The following RFX3 variants were observed in gnomAD, a reference collection of about 807,000 sequenced individuals.
RFX3 encodes transcription factor RFX3.
RFX3 carries 14 observed loss-of-function variants against 98.6 expected under a neutral mutation model. The observed-to-expected ratio is 0.14, with a 90% CI of 0.09 to 0.22. The LOEUF (loss-of-function observed/expected upper bound fraction) is 0.22. Among genes scored for constraint, RFX3 ranks in the 10% least tolerant of loss-of-function variants. The pLI is 1.00. For synonymous variants in RFX3, 383 were observed against 328.4 expected, an observed-to-expected ratio of 1.17 and a Z score of -1.80; for missense variants, 639 against 926.9, an observed-to-expected ratio of 0.69 and a Z score of 4.03.
At chr9:3,473,751 G>T (rs138336401) in intron 1 of RFX3, among the ~76,000 whole-genome samples, 1 of 152,116 alleles carries the variant, frequency 6.6e-6, no homozygotes, top group Non-Finnish European at 1.5e-5. Flanking sequence ...TATTGTTATT[G>T]TAATTAGCTA....
At chr9:3,277,805 T>C (rs1825432966) in intron 7 of RFX3, among the ~76,000 whole-genome samples, 1 of 151,994 alleles carries the variant, frequency 6.6e-6, no homozygotes. Context: ...TAATGGTCAA[T>C]GGATATATTG....
chr9:3,514,681 T>A (rs540944456), intron 1 of RFX3, among the ~76,000 whole-genome samples: 112 of 152,312 alleles, frequency 7.4e-4, no homozygotes, highest in South Asian at 1.7e-3. Flanking sequence ...ACTCCTGGGC[T>A]CAAGGGATTC....
At chr9:3,510,654 G>A (rs1249566231) in intron 1 of RFX3, among the ~76,000 whole-genome samples, 2 of 151,954 alleles carry the variant, frequency 1.3e-5, no homozygotes, top group African/African-American at 4.8e-5. Flanking sequence ...TAAAAGCACA[G>A]AAAAAGTTAC....
rs1294019252 is a variant in RFX3, at chr9:3,291,378, CAAAACA to C, written c.731+1693_731+1698del. 7.4e-3 allele frequency among the ~76,000 whole-genome samples: 1,057 copies of C among 142,464 alleles called. 13 individuals carry two copies. The highest frequency in any genetic ancestry group is 0.027 in the African/African-American group (1,019 of 38,438). The allele number at this position is 142,464 out of a possible 152,430, so 93.5% of individuals were successfully genotyped here. A position where few individuals can be genotyped will look rare whatever the true frequency, so the allele number is the denominator to read the frequency against. On this transcript the variant is annotated intron_variant, in intron 6 of 16. Transcript: ENST00000617270. ...CAGAGCGAGAATCCTTCTCAAAAAA[CAAAACA>C]AAAACAAAAACAAAACAAAACAAAA...
intron 1 of RFX3, among the ~76,000 whole-genome samples, chr9:3,425,188 GATC>G (rs1393760186): frequency 6.6e-6 from 1 of 152,200 alleles, no homozygotes; most frequent in Admixed American, 6.5e-5. Flanking sequence ...AGTGAGCCAT[GATC>G]ACACACCACT....
At chr9:3,468,588 T>G (rs1290486691) in intron 1 of RFX3, among the ~76,000 whole-genome samples, 1 of 152,148 alleles carries the variant, frequency 6.6e-6, no homozygotes, top group Non-Finnish European at 1.5e-5. Context: ...GTAGGCAGCT[T>G]AGCACTAAAT....
intron 4 of RFX3, among the ~76,000 whole-genome samples, chr9:3,317,845 T>C (rs1333875600): frequency 1.3e-5 from 2 of 152,214 alleles, no homozygotes; most frequent in Non-Finnish European, 2.9e-5. Context: ...CCAGTTAGAA[T>C]GGCGATCATT....
intron 16 of RFX3, among the ~76,000 whole-genome samples, chr9:3,227,080 C>T (rs1190046005): frequency 6.6e-6 from 1 of 152,108 alleles, no homozygotes; most frequent in African/African-American, 2.4e-5. Context: ...ATGGGACCAG[C>T]GTGGCCACAT....
At chr9:3,507,372 C>T (rs181059352) in intron 1 of RFX3, among the ~76,000 whole-genome samples, 2 of 151,916 alleles carry the variant, frequency 1.3e-5, no homozygotes, top group African/African-American at 4.8e-5. Context: ...TAGCAATTGC[C>T]ATTTATTAAA....
intron 6 of RFX3, among the ~76,000 whole-genome samples, chr9:3,288,841 T>C (rs1476299344): frequency 6.6e-6 from 1 of 152,138 alleles, no homozygotes; most frequent in African/African-American, 2.4e-5. Flanking sequence ...GCCTTTAATC[T>C]GTTGATTTTG....
intron 4 of RFX3, among the ~76,000 whole-genome samples, chr9:3,304,449 C>T (rs1331462727): frequency 1.3e-5 from 2 of 151,880 alleles, no homozygotes; most frequent in African/African-American, 4.8e-5. Flanking sequence ...ACAGGGTATA[C>T]ACATGGTCAT....
intron 1 of RFX3, among the ~76,000 whole-genome samples, chr9:3,521,379 T>C (rs967341401): frequency 6.6e-6 from 1 of 152,152 alleles, no homozygotes; most frequent in Non-Finnish European, 1.5e-5. Context: ...AGATAGTATG[T>C]TAAACTCCAT....
intron 1 of RFX3, among the ~76,000 whole-genome samples, chr9:3,519,074 A>T (rs778365026): frequency 1.2e-4 from 18 of 152,228 alleles, no homozygotes; most frequent in Non-Finnish European, 2.4e-4. Context: ...TTCATGTATA[A>T]CGTGAAAATA....
At chr9:3,361,513 A>T (rs1836430929) in intron 2 of RFX3, among the ~76,000 whole-genome samples, 1 of 152,086 alleles carries the variant, frequency 6.6e-6, no homozygotes, top group Admixed American at 6.6e-5. Context: ...CTTGGTTAAA[A>T]GTAGGCACCA....
At position 3,290,181 on chromosome 9, in the gene RFX3, C is replaced by T. The variant is rs556974318; in HGVS notation, c.732-1931G>A. Among the ~76,000 whole-genome samples, 15 of 150,506 alleles carry T rather than the reference C, an allele frequency of 1.0e-4. No individual in the cohort carries two copies. In the South Asian group the frequency reaches 2.7e-3, roughly 27 times the overall value. Reference sequence around the variant, plus strand: ...TCTAGGGTTTGCTTCACAAACATAACTGTAAACACTACATACAATTAAAAA... The same window carrying T: ...TCTAGGGTTTGCTTCACAAACATAATTGTAAACACTACATACAATTAAAAA... On this transcript the variant is annotated intron_variant, in intron 6 of 16. Transcript: ENST00000617270.
chr9:3,380,939 G>A (rs1456941616), intron 2 of RFX3, among the ~76,000 whole-genome samples: 1 of 151,866 alleles, frequency 6.6e-6, no homozygotes, highest in Non-Finnish European at 1.5e-5. Context: ...TTTTTCCCAT[G>A]ATAAAGTTTC....
Position 3,491,611 on chromosome 9 carries a change from T to C in RFX3, c.-9+34136A>G, listed in dbSNP as rs148214616. 1.9e-3 allele frequency among the ~76,000 whole-genome samples: 292 copies of C among 152,358 alleles called. 2 individuals are homozygous for C. Among genetic ancestry groups the C allele is most frequent in the African/African-American group, 6.9e-3 (286 of 41,594 alleles). On this transcript the variant is annotated intron_variant, in intron 1 of 16. Transcript: ENST00000617270. The stretch of plus-strand genomic sequence containing the variant: ...TTAGGCCAGTCTACAGTCATCTGTG[T>C]TCTTCTTTCCAAATAGGTTACAAAT...
At chr9:3,229,055 CAAATTTGAACAGTTT>C (rs1818140924) in intron 15 of RFX3, among the ~76,000 whole-genome samples, 166 bp from the exon 16 acceptor site, 1 of 152,178 alleles carries the variant, frequency 6.6e-6, no homozygotes, top group African/African-American at 2.4e-5. Flanking sequence ...TCAAACTTGT[CAAATTTGAACAGTTT>C]AAATTATGTC....
intron 1 of RFX3, among the ~76,000 whole-genome samples, chr9:3,486,128 C>CAAAAAAAAAAAAAAAAAAAAAAAAAA (rs772747349): frequency 2.0e-5 from 1 of 49,154 alleles, no homozygotes; most frequent in Non-Finnish European, 3.6e-5. Flanking sequence ...TGTCTCAAAC[C>CAAAAAAAAAAAAAAAAAAAAAAAAAA]AAAAAAAAAA....
Sources: allele counts gnomAD v4.1 joint callset (sites outside exome capture counted in the v4.1 genomes callset), GRCh38; gene constraint gnomAD v4.1.1; transcripts MANE v1.5; gene names NCBI Gene and HGNC (gene_info 2026-07-23, HGNC 2026-07-21).